Variants in GRIP1 observed in about 807,000 individuals in gnomAD.
GRIP1 encodes the protein glutamate receptor-interacting protein 1.
A neutral mutation model predicts 129.9 loss-of-function variants in GRIP1; 45 were observed. That is an observed-to-expected ratio of 0.35 (90% CI 0.27 to 0.44). The LOEUF is 0.44. Ranked by LOEUF, GRIP1 falls within the 20% of genes least tolerant of loss-of-function variation. The probability of loss-of-function intolerance (pLI) is 1.00; values close to 1 mark genes in which losing one functional copy is unlikely to be tolerated. For missense variants in GRIP1, 1,196 were observed against 1,396.8 expected (o/e 0.86, Z 2.29); for synonymous variants, 530 against 520.8 (o/e 1.02, Z -0.24).
At chr12:66,465,524 T>C (rs1016241183) in intron 7 of GRIP1, 102 bp from the exon 8 acceptor site, 1 of 984,144 alleles carries the variant, frequency 1.0e-6, no homozygotes, top group South Asian at 1.4e-5. Flanking sequence ...AGCCTGTTAA[T>C]TTTATCACTG....
chr12:66,391,138 A>G (rs1422880769), intron 19 of GRIP1, among the ~76,000 whole-genome samples: 2 of 152,200 alleles, frequency 1.3e-5, no homozygotes, highest in Non-Finnish European at 2.9e-5. Context: ...GGAGAGAGCA[A>G]ACTGGATACA....
intron 2 of GRIP1, 58 bp downstream of exon 2, chr12:66,596,789 C>A: frequency 1.1e-6 from 1 of 941,188 alleles, no homozygotes; most frequent in South Asian, 1.3e-5. Flanking sequence ...TATTTAGAAT[C>A]ACCAAATAAC....
intron 1 of GRIP1, among the ~76,000 whole-genome samples, chr12:66,660,166 T>C (rs886372626): frequency 7.2e-5 from 11 of 152,214 alleles, no homozygotes; most frequent in African/African-American, 2.7e-4. Flanking sequence ...GGAATCAATA[T>C]TGTGTTCACG....
At chr12:66,608,101 A>G (rs923483802) in intron 1 of GRIP1, among the ~76,000 whole-genome samples, 9 of 152,088 alleles carry the variant, frequency 5.9e-5, no homozygotes, top group Non-Finnish European at 1.2e-4. Flanking sequence ...ATTGTCACAT[A>G]TTTTGCTTTA....
Position 66,668,783 on chromosome 12 carries a change from AT to A in GRIP1, c.55+10066del, listed in dbSNP as rs201578294. Among the ~76,000 whole-genome samples the A allele has an allele frequency of 1.1e-4, 17 of 147,982 alleles. No individual in the cohort carries two copies. In the East Asian group the frequency reaches 1.2e-3, roughly 10 times the overall value. ...TCATCACTATCAAAAAGAAAAAAAA[AT>A]AATAATAATACCAGCATGGTGGGGT... On this transcript the variant is annotated intron_variant, in intron 1 of 24. Transcript: ENST00000359742.
intron 1 of GRIP1, among the ~76,000 whole-genome samples, chr12:66,905,345 G>T (rs2040913476): frequency 6.6e-6 from 1 of 152,096 alleles, no homozygotes; most frequent in Admixed American, 6.5e-5. Flanking sequence ...TGTTTGTGAG[G>T]TGTGAGTGCC....
chr12:66,823,128 T>G (rs1882174), intron 1 of GRIP1, among the ~76,000 whole-genome samples: 41,408 of 152,048 alleles, frequency 0.27, 6,842 homozygotes, highest in Non-Finnish European at 0.37. Context: ...TCTCTAGACT[T>G]GTTTTCTGAT....
intron 1 of GRIP1, among the ~76,000 whole-genome samples, chr12:66,810,199 C>T (rs2039076316): frequency 6.6e-6 from 1 of 152,036 alleles, no homozygotes; most frequent in South Asian, 2.1e-4. Context: ...CTGAAAAATA[C>T]TTCATGTCTG....
chr12:66,561,217 A>G (rs2062515300), intron 2 of GRIP1, among the ~76,000 whole-genome samples: 1 of 152,190 alleles, frequency 6.6e-6, no homozygotes, highest in Non-Finnish European at 1.5e-5. Flanking sequence ...GAAAGTGAGG[A>G]TGGCTAATGG....
intron 1 of GRIP1, among the ~76,000 whole-genome samples, chr12:66,993,045 C>T (rs61918820): frequency 0.3 from 44,665 of 151,374 alleles, 7,771 homozygotes; most frequent in Non-Finnish European, 0.38. Flanking sequence ...GCCCAGGAGG[C>T]GGACATTGCA....
At chr12:66,931,504 T>G (rs1487850848) in intron 1 of GRIP1, among the ~76,000 whole-genome samples, 2 of 152,130 alleles carry the variant, frequency 1.3e-5, no homozygotes, top group Non-Finnish European at 2.9e-5. Flanking sequence ...AAGGGAGAAA[T>G]AGATCGTAGT....
At chr12:66,431,970 A>G (rs1243178965) in intron 14 of GRIP1, among the ~76,000 whole-genome samples, 1 of 152,226 alleles carries the variant, frequency 6.6e-6, no homozygotes, top group Non-Finnish European at 1.5e-5. Context: ...AGTAAGAGAC[A>G]TTGTTTTAGT....
chr12:66,944,625 A>C (rs10878536), intron 1 of GRIP1, among the ~76,000 whole-genome samples: 2 of 151,604 alleles, frequency 1.3e-5, no homozygotes, highest in East Asian at 1.9e-4. Context: ...TGATGGAAAG[A>C]GGGTAGGGGT....
At chr12:66,941,360 C>A (rs2041582713) in intron 1 of GRIP1, among the ~76,000 whole-genome samples, 1 of 152,182 alleles carries the variant, frequency 6.6e-6, no homozygotes, top group Non-Finnish European at 1.5e-5. Flanking sequence ...GGAATCTTAT[C>A]AATAGCATGA....
intron 1 of GRIP1, among the ~76,000 whole-genome samples, chr12:66,688,719 G>A (rs2034870265): frequency 1.3e-5 from 2 of 150,706 alleles, no homozygotes; most frequent in Non-Finnish European, 2.9e-5. Context: ...TGACATTAAA[G>A]TGCTCCTTGG....
chr12:66,561,231 C>G (rs893965729), intron 2 of GRIP1, among the ~76,000 whole-genome samples: 1 of 151,942 alleles, frequency 6.6e-6, no homozygotes, highest in East Asian at 1.9e-4. Flanking sequence ...CTAATGGGTA[C>G]AAAAACATTA....
At chr12:66,464,952 T>C (rs1592372216) in intron 8 of GRIP1, among the ~76,000 whole-genome samples, 4 of 137,948 alleles carry the variant, frequency 2.9e-5, no homozygotes, top group Admixed American at 2.8e-4. Context: ...CTTTCTTTCT[T>C]TCTTTTTTTT....
chr12:66,686,449 G>A (rs749467671), intron 1 of GRIP1, among the ~76,000 whole-genome samples: 10 of 152,224 alleles, frequency 6.6e-5, no homozygotes, highest in Non-Finnish European at 1.2e-4. Flanking sequence ...AGGACATAAT[G>A]TATCTCTAAA....
rs372775553 is a variant in GRIP1 at position 66,800,395 on chromosome 12, C to T, written c.-420+3658G>A. Among the ~76,000 whole-genome samples the T allele has an allele frequency of 6.9e-4, 105 of 152,000 alleles. 2 individuals are homozygous for T. The highest frequency in any genetic ancestry group is 3.4e-3 in the Middle Eastern group (1 of 294). On this transcript the variant is annotated intron_variant, in intron 1 of 4. Coordinates refer to the GRIP1 transcript ENST00000538373. ...AGGTGTATAAGATGCTAGCGCTGTA[C>T]ATGAGAGTGGCTCACATACCTCTAT...
Sources: allele counts gnomAD v4.1 joint callset (sites outside exome capture counted in the v4.1 genomes callset), GRCh38; gene constraint gnomAD v4.1.1; transcripts MANE v1.5; gene names NCBI Gene and HGNC (gene_info 2026-07-23, HGNC 2026-07-21).